Variants in RNF121 observed in about 807,000 individuals in gnomAD.
The protein encoded by RNF121 is ring finger protein 121, also known as E3 ubiquitin ligase RNF121.
A neutral mutation model predicts 46.5 loss-of-function variants in RNF121; 21 were observed. The ratio of observed to expected loss-of-function variants is 0.45; its 90% confidence interval spans 0.32 to 0.65. RNF121 has a LOEUF of 0.65. Ranked by LOEUF, RNF121 falls within the 30% of genes least tolerant of loss-of-function variation. The pLI, the probability that RNF121 is intolerant of heterozygous loss-of-function variation, is 0.04. For synonymous variants in RNF121, 139 were observed against 144.7 expected (o/e 0.96, Z 0.28); for missense variants, 346 against 416.0 (o/e 0.83, Z 1.46).
At position 71,996,310 on chromosome 11, in the gene RNF121, G is replaced by A. The variant is rs1487859511; in HGVS notation, c.979G>A (p.Glu327Lys). Residue 327 changes from glutamate (E) to lysine (K), a missense_variant, in exon 9 of 9, where the codon GAA (glutamate) becomes AAA (lysine). Coordinates refer to ENST00000361756, the MANE Select transcript of RNF121 (RefSeq NM_018320.5). ...AGGCATCAACTACATCCTGGGCCTG[G>A]AATAGTGATGAAGAGCATCAGTGGA... The part of the protein sequence containing the change: ...VQGINYILGL[E>K] 1.2e-6 allele frequency: 2 copies of A among 1,614,076 alleles called. No homozygotes were observed. The highest frequency in any genetic ancestry group is 1.7e-6 in the Non-Finnish European group (2 of 1,179,986).
At position 71,965,544 on chromosome 11, in the gene RNF121, C is replaced by T. The variant is rs148377190; in HGVS notation, c.243+4653C>T. ...TATAGGAGTGAGCCACCACGCCTGGCCTGCATAGTATTTTGGAAAATAGAT... is the reference window on the plus strand; with the variant it reads ...TATAGGAGTGAGCCACCACGCCTGGTCTGCATAGTATTTTGGAAAATAGAT... On this transcript the variant is annotated intron_variant, in intron 3 of 8. Coordinates refer to ENST00000361756, the MANE Select transcript of RNF121 (RefSeq NM_018320.5). Among the ~76,000 whole-genome samples, 166 of 152,224 alleles carry T rather than the reference C, an allele frequency of 1.1e-3. 3 individuals are homozygous for T. The East Asian group carries it at 0.019, about 17-fold the overall frequency.
At chr11:71,995,632 T>C in intron 8 of RNF121, 81 bp downstream of exon 8, 1 of 1,104,566 alleles carries the variant, frequency 9.1e-7, no homozygotes, top group Non-Finnish European at 1.3e-6. Flanking sequence ...TGGGTCCTCC[T>C]GGGGCCCTCA....
At chr11:71,986,058 C>T (rs1954766400) in intron 4 of RNF121, among the ~76,000 whole-genome samples, 2 of 152,188 alleles carry the variant, frequency 1.3e-5, no homozygotes, top group African/African-American at 4.8e-5. Flanking sequence ...ACTACTCCTC[C>T]TTCAGGAGCA....
chr11:71,976,580 G>A (rs1189760879), intron 3 of RNF121, among the ~76,000 whole-genome samples: 1 of 151,862 alleles, frequency 6.6e-6, no homozygotes, highest in African/African-American at 2.4e-5. Flanking sequence ...GTATGGTCTC[G>A]ATCTCTTGAC....
At chr11:71,986,944 C>A in intron 4 of RNF121, 60 bp from the exon 5 acceptor site, 1 of 964,008 alleles carries the variant, frequency 1.0e-6, no homozygotes, top group Non-Finnish European at 1.7e-6. Flanking sequence ...TTCTGGTGAT[C>A]AGGACCATTA....
intron 5 of RNF121, among the ~76,000 whole-genome samples, chr11:71,987,892 G>A (rs1455039601): frequency 6.6e-6 from 1 of 152,190 alleles, no homozygotes; most frequent in Non-Finnish European, 1.5e-5. Context: ...GGGTGTGGAA[G>A]CCACCTGGCC....
At position 71,979,339 on chromosome 11, in the gene RNF121, T is replaced by A. The variant is rs558986467; in HGVS notation, c.244-3422T>A. Among the ~76,000 whole-genome samples the A allele has an allele frequency of 7.2e-5, 11 of 152,328 alleles. 1 individual carries two copies. The South Asian group carries it at 2.3e-3, about 32-fold the overall frequency. ...GAACTCCGGTTTACTGGGCTTCTAC[T>A]CCACCATCTGGTTTCAGAAAGCCTA... On this transcript the variant is annotated intron_variant, in intron 3 of 8. Transcript: ENST00000361756.
intron 4 of RNF121, among the ~76,000 whole-genome samples, chr11:71,985,515 GT>G (rs1379124593): frequency 3.3e-5 from 5 of 152,132 alleles, no homozygotes; most frequent in Non-Finnish European, 7.4e-5. Context: ...GAATAGAGCT[GT>G]GTGTGTTCTT....
Position 71,994,756 on chromosome 11 carries a change from C to T in RNF121, c.665C>T (p.Ser222Leu). The change falls in exon 7 of 9, where the codon TCA becomes TTA. Residue 222 changes from serine (S) to leucine (L), a missense_variant. Physicochemically the swap from Ser to Leu is moderately radical, Grantham distance 145 (BLOSUM62 -2). Around this residue, in one of 2 missense-constraint regions of RNF121, gnomAD observed 286 missense variants for 383.8 expected, o/e 0.75. Coordinates refer to ENST00000361756, the MANE Select transcript of RNF121 (RefSeq NM_018320.5). ...SESGMPTKHLSDSVCAVCGQQ... is the reference protein window; with the variant it reads ...SESGMPTKHLLDSVCAVCGQQ... ...TCGGGCATGCCTACCAAACATCTTTCAGACAGTGTGTGTGCTGTGTGTGGG... is the reference window on the plus strand; with the variant it reads ...TCGGGCATGCCTACCAAACATCTTTTAGACAGTGTGTGTGCTGTGTGTGGG... 6.2e-7 allele frequency: 1 copy of T among 1,614,134 alleles called. No homozygotes were observed. Among genetic ancestry groups the T allele is most frequent in the Non-Finnish European group, 8.5e-7 (1 of 1,180,016 alleles).
At chr11:71,972,952 C>T (rs1408260305) in intron 3 of RNF121, among the ~76,000 whole-genome samples, 10 of 151,834 alleles carry the variant, frequency 6.6e-5, no homozygotes, top group Admixed American at 2.0e-4. Flanking sequence ...TTTGGGAGGC[C>T]GAGGCAGGCG....
At chr11:71,958,539 C>T (rs557880177) in intron 2 of RNF121, among the ~76,000 whole-genome samples, 3 of 152,004 alleles carry the variant, frequency 2.0e-5, no homozygotes, top group Non-Finnish European at 4.4e-5. Context: ...GTCCCTAAAA[C>T]ATTGGGATTT....
intron 1 of RNF121, among the ~76,000 whole-genome samples, chr11:71,935,398 T>A (rs1953382103): frequency 6.6e-6 from 1 of 152,230 alleles, no homozygotes; most frequent in Non-Finnish European, 1.5e-5. Context: ...CAAGACTACT[T>A]CAGTGCTTGT....
intron 3 of RNF121, among the ~76,000 whole-genome samples, chr11:71,971,053 C>T (rs1023544814): frequency 3.3e-5 from 5 of 152,098 alleles, no homozygotes; most frequent in African/African-American, 9.7e-5. Flanking sequence ...AAGATAAAGA[C>T]CTAATTATGA....
intron 1 of RNF121, among the ~76,000 whole-genome samples, chr11:71,939,758 G>T (rs1361202834): frequency 1.3e-5 from 2 of 152,136 alleles, no homozygotes; most frequent in Admixed American, 1.3e-4. Flanking sequence ...CTATGACATG[G>T]ATTCATTATT....
chr11:71,972,692 A>G (rs1954443884), intron 3 of RNF121, among the ~76,000 whole-genome samples: 1 of 152,086 alleles, frequency 6.6e-6, no homozygotes, highest in South Asian at 2.1e-4. Flanking sequence ...TGTAACAACC[A>G]GATGTCTCCA....
chr11:71,932,553 G>GA (rs1953300741), intron 1 of RNF121, among the ~76,000 whole-genome samples: 1 of 152,196 alleles, frequency 6.6e-6, no homozygotes, highest in Admixed American at 6.5e-5. Context: ...AAGTGGCTGT[G>GA]ATTCAAAAGA....
At chr11:71,989,247 A>T (rs570201842) in intron 5 of RNF121, among the ~76,000 whole-genome samples, 108 of 152,128 alleles carry the variant, frequency 7.1e-4, no homozygotes, top group African/African-American at 2.5e-3. Flanking sequence ...CACCCGGCTA[A>T]TTTTTATATT....
At chr11:71,995,410 G>A (rs375602656) in intron 7 of RNF121, 40 bp from the exon 8 acceptor site, 96 of 1,510,050 alleles carry the variant, frequency 6.4e-5, no homozygotes, top group Admixed American at 4.5e-4. Context: ...CTGGAGTGCC[G>A]CCCTGGCTCT....
At chr11:71,935,764 A>G (rs1828313968) in intron 1 of RNF121, among the ~76,000 whole-genome samples, 1 of 151,852 alleles carries the variant, frequency 6.6e-6, no homozygotes, top group South Asian at 2.1e-4. Context: ...TATTTTGGCC[A>G]TGTTTCTTAT....
Sources: gnomAD v4.1 joint callset for allele counts (sites outside exome capture counted in the v4.1 genomes callset) on GRCh38, gnomAD v4.1.1 for gene constraint, gnomAD v4.1.1 regional missense constraint, MANE v1.5 for transcripts, NCBI Gene and HGNC (gene_info 2026-07-23, HGNC 2026-07-21) for gene names.